Variants in THSD4 observed in about 807,000 individuals in gnomAD.
The protein encoded by THSD4 is thrombospondin type-1 domain-containing protein 4.
A neutral mutation model predicts 119.0 loss-of-function variants in THSD4; 69 were observed. That is an observed-to-expected ratio of 0.58 (90% CI 0.48 to 0.71). The LOEUF (loss-of-function observed/expected upper bound fraction) is 0.71, where lower values mean the gene tolerates loss of function less well. THSD4 is among the 30% of genes least tolerant of loss of function. The pLI, the probability that THSD4 is intolerant of heterozygous loss-of-function variation, is 0.00. For missense variants in THSD4, 1,393 were observed against 1,391.1 expected, an observed-to-expected ratio of 1.00 and a Z score of -0.02; for synonymous variants, 524 against 540.4, an observed-to-expected ratio of 0.97 and a Z score of 0.42.
At chr15:71,675,638 G>A (rs892780018) in intron 8 of THSD4, among the ~76,000 whole-genome samples, 1 of 152,142 alleles carries the variant, frequency 6.6e-6, no homozygotes, top group African/African-American at 2.4e-5. Context: ...CTCACTAGAT[G>A]CTTGGAATCC....
At chr15:71,702,230 A>T (rs749729553) in intron 8 of THSD4, among the ~76,000 whole-genome samples, 2 of 152,204 alleles carry the variant, frequency 1.3e-5, no homozygotes, top group Non-Finnish European at 1.5e-5. Flanking sequence ...GGAATGTTGT[A>T]ACGGGACCAG....
In THSD4 at chr15:71,510,262, C is replaced by T. The variant is rs78234148; in HGVS notation, c.1152+98439C>T. On this transcript the variant is annotated intron_variant, in intron 7 of 17. Transcript: ENST00000261862. ...GACTTGGTACTCGGTAAATGTTTTC[C>T]CAGTGAATGACAGCTGTTTGTTCAT... Among the ~76,000 whole-genome samples, 3 of 150,866 alleles carry T rather than the reference C, an allele frequency of 2.0e-5. No individual in the cohort carries two copies. In the East Asian group the frequency reaches 5.8e-4, roughly 29 times the overall value.
intron 7 of THSD4, among the ~76,000 whole-genome samples, chr15:71,641,430 A>C (rs1472231792): frequency 6.6e-6 from 1 of 151,994 alleles, no homozygotes; most frequent in Non-Finnish European, 1.5e-5. Context: ...TGTTAACAAC[A>C]ATCACTGAGT....
chr15:71,542,793 C>T (rs1199615873), intron 7 of THSD4, among the ~76,000 whole-genome samples: 2 of 151,482 alleles, frequency 1.3e-5, no homozygotes, highest in African/African-American at 4.9e-5. Context: ...AGGAGAATGG[C>T]GTGAACCCGG....
chr15:71,508,983 G>A, intron 7 of THSD4, among the ~76,000 whole-genome samples: 1 of 150,314 alleles, frequency 6.7e-6, no homozygotes, highest in East Asian at 1.9e-4. Context: ...GAGAGAGGGA[G>A]GAGGCAGGTG....
At chr15:71,617,937 A>C (rs1378737702) in intron 7 of THSD4, among the ~76,000 whole-genome samples, 1 of 152,158 alleles carries the variant, frequency 6.6e-6, no homozygotes, top group East Asian at 1.9e-4. Context: ...TTTTTCTCAA[A>C]GGGGCCATTT....
At chr15:71,691,203 T>A (rs1457480398) in intron 8 of THSD4, among the ~76,000 whole-genome samples, 3 of 152,212 alleles carry the variant, frequency 2.0e-5, no homozygotes, top group Non-Finnish European at 4.4e-5. Context: ...CCCTAAAGCT[T>A]CCGTAAAGGA....
intron 1 of THSD4, among the ~76,000 whole-genome samples, chr15:71,136,664 A>T (rs2040554576): frequency 7.1e-6 from 1 of 141,278 alleles, no homozygotes; most frequent in Non-Finnish European, 1.6e-5. Flanking sequence ...CAGCGTGTGT[A>T]GGAGGGAGGG....
At position 71,194,470 on chromosome 15, in the gene THSD4, G is replaced by T. The variant is rs141578574; in HGVS notation, c.100-20565G>T. Among the ~76,000 whole-genome samples the T allele has an allele frequency of 1.2e-4, 19 of 152,294 alleles. No individual in the cohort carries two copies. The East Asian group carries it at 2.3e-3, about 19-fold the overall frequency. ...TGCCATTTCCACACTCAGGGTCGGG[G>T]CATGGATTTGGCCCCTCTGGGCACC... On this transcript the variant is annotated intron_variant, in intron 3 of 17. Transcript: ENST00000261862.
At chr15:71,128,222 G>GA (rs112686096) in intron 1 of THSD4, among the ~76,000 whole-genome samples, 3,053 of 143,904 alleles carry the variant, frequency 0.021, 45 homozygotes, top group African/African-American at 0.045. Flanking sequence ...TGGGAAAGAA[G>GA]AAAAAAAAAA....
intron 3 of THSD4, among the ~76,000 whole-genome samples, chr15:71,193,265 C>T (rs2043688630): frequency 6.6e-6 from 1 of 152,198 alleles, no homozygotes; most frequent in Non-Finnish European, 1.5e-5. Context: ...GCTTGCTTCT[C>T]ACTGACTGGC....
At chr15:71,505,188 C>T (rs1280302841) in intron 7 of THSD4, among the ~76,000 whole-genome samples, 1 of 148,472 alleles carries the variant, frequency 6.7e-6, no homozygotes, top group African/African-American at 2.4e-5. Flanking sequence ...CTTATGCTCA[C>T]CTCCCCATCC....
chr15:71,135,195 T>C (rs1399144137), intron 1 of THSD4, among the ~76,000 whole-genome samples: 3 of 108,114 alleles, frequency 2.8e-5, no homozygotes, highest in Non-Finnish European at 5.3e-5. Flanking sequence ...GGAAGGGGAA[T>C]ATCACACTCT....
intron 6 of THSD4, among the ~76,000 whole-genome samples, chr15:71,265,024 G>T (rs914085690): frequency 6.6e-6 from 1 of 151,992 alleles, no homozygotes; most frequent in Non-Finnish European, 1.5e-5. Flanking sequence ...TGATCTGATA[G>T]GATTAGTGTT....
At chr15:71,147,260 A>C (rs611810) in intron 2 of THSD4, among the ~76,000 whole-genome samples, 240 of 152,302 alleles carry the variant, frequency 1.6e-3, no homozygotes, top group African/African-American at 5.7e-3. Flanking sequence ...GCTGGGGTCC[A>C]GTGGCACAGT....
At chr15:71,589,980 AAC>A in intron 7 of THSD4, among the ~76,000 whole-genome samples, 1 of 139,850 alleles carries the variant, frequency 7.2e-6, no homozygotes, top group Non-Finnish European at 1.6e-5. Flanking sequence ...CATTTACAGA[AAC>A]TTTTTAAAAA....
chr15:71,297,614 G>T (rs538719438), intron 6 of THSD4, among the ~76,000 whole-genome samples: 5 of 152,190 alleles, frequency 3.3e-5, no homozygotes, highest in Admixed American at 2.6e-4. Context: ...GATTACAGAC[G>T]TGAGCTACCA....
chr15:71,355,023 T>C (rs2045790258), intron 6 of THSD4, among the ~76,000 whole-genome samples: 1 of 152,220 alleles, frequency 6.6e-6, no homozygotes, highest in Admixed American at 6.5e-5. Context: ...GGAATCCTGT[T>C]GTTTTAACAT....
chr15:71,654,442 T>C (rs1048149316), intron 7 of THSD4, among the ~76,000 whole-genome samples: 5 of 152,210 alleles, frequency 3.3e-5, no homozygotes, highest in Non-Finnish European at 7.3e-5. Flanking sequence ...ATGTTTCCAA[T>C]TTTTTATTAA....
Sources: allele counts gnomAD v4.1 joint callset (sites outside exome capture counted in the v4.1 genomes callset), GRCh38; gene constraint gnomAD v4.1.1; transcripts MANE v1.5; gene names NCBI Gene and HGNC (gene_info 2026-07-23, HGNC 2026-07-21).